The following RAB21 variants were observed in gnomAD, a reference collection of about 807,000 sequenced individuals.
RAB21 encodes the protein RAB21, member RAS oncogene family, also known as ras-related protein Rab-21.
In RAB21, 13 loss-of-function variants were observed where a neutral mutation model predicts 33.1. The observed-to-expected ratio is 0.39, with a 90% CI of 0.26 to 0.62. The LOEUF is 0.62. Ranked by LOEUF, RAB21 falls within the 20% of genes least tolerant of loss-of-function variation. The pLI is 0.48. For synonymous variants in RAB21, 91 were observed against 103.7 expected (o/e 0.88, Z 0.74); for missense variants, 234 against 279.1 (o/e 0.84, Z 1.15).
Position 71,754,960 on chromosome 12 carries a change from G to T in RAB21, c.-170G>T. ...TGGTGGGCTGGGGCCCTTCATTCTC[G>T]GACTTTCCCTCAGCCCTTCCAGGCC... On this transcript the variant is annotated 5_prime_UTR_variant, in exon 1 of 7. Transcript: ENST00000261263. The T allele has an allele frequency of 1.9e-6, 1 of 539,652 alleles. No individual in the cohort carries two copies. Among genetic ancestry groups the T allele is most frequent in the Non-Finnish European group, 2.4e-6 (1 of 419,780 alleles). The allele number at this position is 539,652 out of a possible 1,614,324, so 33.4% of individuals were successfully genotyped here.
rs375910396 is a variant in RAB21 at position 71,762,496 on chromosome 12, G to A, written c.159+7208G>A. ...AATTTTTTGTATTTTTAGTAGAGAC[G>A]GGGTTTCACCGTGTTAGCCAGGATG... is the stretch of plus-strand genomic sequence containing the variant. On this transcript the variant is annotated intron_variant, in intron 1 of 6. Coordinates refer to ENST00000261263, the MANE Select transcript of RAB21 (RefSeq NM_014999.4). Among the ~76,000 whole-genome samples, 8 of 151,686 alleles carry A rather than the reference G, an allele frequency of 5.3e-5. No homozygotes were observed. The East Asian group carries it at 5.8e-4, about 11-fold the overall frequency.
intron 1 of RAB21, among the ~76,000 whole-genome samples, chr12:71,762,755 T>C (rs1882896323): frequency 6.6e-6 from 1 of 152,078 alleles, no homozygotes; most frequent in South Asian, 2.1e-4. Context: ...GCTAATTTTA[T>C]ATTTTTAGTA....
chr12:71,784,771 C>T (rs1052011506), intron 6 of RAB21, among the ~76,000 whole-genome samples: 1 of 152,010 alleles, frequency 6.6e-6, no homozygotes, highest in African/African-American at 2.4e-5. Flanking sequence ...CTTCGAAGTT[C>T]CCTCATCTTA....
At chr12:71,776,566 TATTA>T (rs749837742) in intron 4 of RAB21, among the ~76,000 whole-genome samples, 2 of 152,096 alleles carry the variant, frequency 1.3e-5, no homozygotes, top group Non-Finnish European at 2.9e-5. Context: ...ATATAATGTT[TATTA>T]ATTATTAGTG....
At position 71,796,975 on chromosome 12, in the gene RAB21, G is replaced by A. The variant is rs1169783833; in HGVS notation, c.*11302G>A. 3 of 152,250 alleles carry A rather than the reference G, an allele frequency of 2.0e-5. No individual in the cohort carries two copies. The East Asian group carries it at 5.8e-4, about 29-fold the overall frequency. The allele number at this position is 152,250 out of a possible 1,614,324, so 9.4% of individuals were successfully genotyped here. A position where few individuals can be genotyped will look rare whatever the true frequency, so the allele number is the denominator to read the frequency against. On this transcript the variant is annotated 3_prime_UTR_variant, in exon 7 of 7. Transcript: ENST00000261263. ...ATTAGTTTTTATTTCATTTGTGGGT[G>A]GTATTGAGAAAAGTGGTGGAAATAA...
chr12:71,783,865 C>G (rs1441447880), intron 6 of RAB21, among the ~76,000 whole-genome samples: 1 of 152,016 alleles, frequency 6.6e-6, no homozygotes. Flanking sequence ...TCCCTCCCTC[C>G]CTTCCTTCCT....
Position 71,773,950 on chromosome 12 carries a change from T to C in RAB21, c.328-9T>C. The stretch of plus-strand genomic sequence containing the variant: ...ATTTGTTTTAATATGTGCTCTTTTG[T>C]ATATACAGGTAAAAAACTGGGTCAA... On this transcript the variant is annotated splice_polypyrimidine_tract_variant and intron_variant, in intron 3 of 6. Coordinates refer to ENST00000261263, the MANE Select transcript of RAB21 (RefSeq NM_014999.4). 2 of 1,574,884 alleles carry C rather than the reference T, an allele frequency of 1.3e-6. No homozygotes were observed. Among genetic ancestry groups the C allele is most frequent in the South Asian group, 2.3e-5 (2 of 86,684 alleles).
In RAB21 at chr12:71,799,712, A is replaced by C. The variant is rs1336746454; in HGVS notation, c.*14039A>C. On this transcript the variant is annotated 3_prime_UTR_variant, in exon 7 of 7. Transcript: ENST00000261263. ...TTTTTAAAAAAAGCCAGGGCAGAAC[A>C]GTCTGTATACTGTATATTTTAAAAT... The C allele has an allele frequency of 6.6e-6, 1 of 152,246 alleles. No homozygotes were observed. Among genetic ancestry groups the C allele is most frequent in the Admixed American group, 6.5e-5 (1 of 15,288 alleles). 9.4% of individuals were successfully genotyped at this position (152,246 alleles called of 1,614,324 possible).
At chr12:71,757,050 C>T (rs1404603003) in intron 1 of RAB21, among the ~76,000 whole-genome samples, 3 of 152,092 alleles carry the variant, frequency 2.0e-5, no homozygotes, top group African/African-American at 4.8e-5. Context: ...ATAAATAACC[C>T]ATCTAGTGTT....
At chr12:71,776,921 G>GCACT (rs1198816606) in intron 4 of RAB21, among the ~76,000 whole-genome samples, 12 of 152,012 alleles carry the variant, frequency 7.9e-5, no homozygotes, top group African/African-American at 2.9e-4. Flanking sequence ...TTTGTACCAG[G>GCACT]CACTGTGTGC....
At chr12:71,774,043 C>A in intron 4 of RAB21, 21 bp downstream of exon 4, 1 of 1,503,550 alleles carries the variant, frequency 6.7e-7, no homozygotes, top group Non-Finnish European at 9.0e-7. Flanking sequence ...TTACTTTTTT[C>A]TAAAAAAAAA....
At chr12:71,769,935 A>T (rs1432512213) in intron 2 of RAB21, 76 bp downstream of exon 2, 5 of 680,470 alleles carry the variant, frequency 7.3e-6, no homozygotes, top group African/African-American at 5.8e-5. Flanking sequence ...ATTGGAGCTT[A>T]GCCAACACTT....
In RAB21 at chr12:71,787,373, A is replaced by G. The variant is rs975221775; in HGVS notation, c.*1700A>G. The G allele has an allele frequency of 1.4e-4, 21 of 152,154 alleles. No homozygotes were observed. Among genetic ancestry groups the G allele is most frequent in the Non-Finnish European group, 2.5e-4 (17 of 68,026 alleles). 9.4% of individuals were successfully genotyped at this position (152,154 alleles called of 1,614,324 possible). On this transcript the variant is annotated 3_prime_UTR_variant, in exon 7 of 7. Coordinates refer to ENST00000261263, the MANE Select transcript of RAB21 (RefSeq NM_014999.4). ...TAACATAAATTGTTCTTGTTCTAATATATATATTTTTTCATTTCTGTCGTG... is the reference window on the plus strand; with the variant it reads ...TAACATAAATTGTTCTTGTTCTAATGTATATATTTTTTCATTTCTGTCGTG...
At chr12:71,769,941 C>CA in intron 2 of RAB21, 82 bp downstream of exon 2, 1 of 595,786 alleles carries the variant, frequency 1.7e-6, no homozygotes, top group Non-Finnish European at 2.5e-6. Context: ...GCTTAGCCAA[C>CA]ACTTTTTTTT....
rs964096284 is a variant in RAB21, at chr12:71,793,330, T to G, written c.*7657T>G. 3 of 152,212 alleles carry G rather than the reference T, an allele frequency of 2.0e-5. No homozygotes were observed. Among genetic ancestry groups the G allele is most frequent in the Non-Finnish European group, 2.9e-5 (2 of 68,030 alleles). The allele number at this position is 152,212 out of a possible 1,614,324, so 9.4% of individuals were successfully genotyped here. ...GTGTAATTCTAAATGCACTCTCCAGTTTAAGAGTGTGGGTCCCTTTTTTTC... is the reference window on the plus strand; with the variant it reads ...GTGTAATTCTAAATGCACTCTCCAGGTTAAGAGTGTGGGTCCCTTTTTTTC... On this transcript the variant is annotated 3_prime_UTR_variant, in exon 7 of 7. Transcript: ENST00000261263.
chr12:71,759,272 G>C (rs1473077563), intron 1 of RAB21, among the ~76,000 whole-genome samples: 3 of 152,314 alleles, frequency 2.0e-5, no homozygotes, highest in Admixed American at 6.5e-5. Context: ...CAAAGAATAA[G>C]GTGTGGAATC....
At position 71,791,546 on chromosome 12, in the gene RAB21, A is replaced by G. The variant is rs1471165318; in HGVS notation, c.*5873A>G. 1 of 152,174 alleles carries G rather than the reference A, an allele frequency of 6.6e-6. No individual in the cohort carries two copies. The highest frequency in any genetic ancestry group is 1.5e-5 in the Non-Finnish European group (1 of 68,030). 9.4% of individuals were successfully genotyped at this position (152,174 alleles called of 1,614,324 possible). ...ATGGGGAAAAGTACAAGATAAACTAAAACAAGTCTTTATACAACTCTGACA... is the reference window on the plus strand; with the variant it reads ...ATGGGGAAAAGTACAAGATAAACTAGAACAAGTCTTTATACAACTCTGACA... On this transcript the variant is annotated 3_prime_UTR_variant, in exon 7 of 7. Coordinates refer to ENST00000261263, the MANE Select transcript of RAB21 (RefSeq NM_014999.4).
At chr12:71,768,091 A>T (rs1434975537) in intron 1 of RAB21, among the ~76,000 whole-genome samples, 1 of 152,116 alleles carries the variant, frequency 6.6e-6, no homozygotes, top group East Asian at 1.9e-4. Context: ...TTTGGCATTT[A>T]ATTTTTCTTC....
At chr12:71,783,290 G>A (rs1883227955) in intron 6 of RAB21, among the ~76,000 whole-genome samples, 1 of 151,740 alleles carries the variant, frequency 6.6e-6, no homozygotes, top group Non-Finnish European at 1.5e-5. Flanking sequence ...ATATTAAAAA[G>A]TTTATAGTTT....
Sources: allele counts gnomAD v4.1 joint callset (sites outside exome capture counted in the v4.1 genomes callset), GRCh38; gene constraint gnomAD v4.1.1; transcripts MANE v1.5; gene names NCBI Gene and HGNC (gene_info 2026-07-23, HGNC 2026-07-21).